Variants in KLHL4 observed in about 807,000 individuals in gnomAD.
KLHL4 encodes the protein kelch-like protein 4.
Under a neutral mutation model 45.8 loss-of-function variants are expected in KLHL4, and 17 were observed. The observed-to-expected ratio is 0.37, with a 90% CI of 0.25 to 0.56. The LOEUF is 0.56. KLHL4 is among the 20% of genes least tolerant of loss of function. The pLI is 0.79. For missense variants in KLHL4, 544 were observed against 544.9 expected, an observed-to-expected ratio of 1.00 and a Z score of 0.02; for synonymous variants, 224 against 189.9, an observed-to-expected ratio of 1.18 and a Z score of -1.47.
rs749333380 is a variant in KLHL4, at chrX:87,632,374, A to C, written c.1489A>C (p.Asn497His). 14 of 1,209,376 alleles carry C rather than the reference A, an allele frequency of 1.2e-5. No homozygotes were observed. The Admixed American group carries it at 3.1e-4, about 26-fold the overall frequency. The part of the protein sequence containing the change: ...LKTLNTVECF[N>H]PVGKIWTVMP... Reference sequence around the variant, plus strand: ...AACTTTGAATACAGTGGAATGTTTTAATCCAGTTGGCAAAATCTGGACTGT... The same window carrying C: ...AACTTTGAATACAGTGGAATGTTTTCATCCAGTTGGCAAAATCTGGACTGT... The change falls in exon 7 of 11, where the codon AAT becomes CAT. Residue 497 changes from asparagine (N) to histidine (H), a missense_variant. By Grantham distance (68) the Asn-to-His change is moderately conservative. Coordinates refer to ENST00000373119, the MANE Select transcript of KLHL4 (RefSeq NM_019117.5).
intron 1 of KLHL4, among the ~76,000 whole-genome samples, chrX:87,586,924 GA>G (rs1217589410): frequency 3.7e-5 from 4 of 109,176 alleles, no homozygotes; most frequent in African/African-American, 1.3e-4. Flanking sequence ...AATAAGATCA[GA>G]AATGAAAAGG....
At chrX:87,521,178 T>C (rs1012043447) in intron 1 of KLHL4, among the ~76,000 whole-genome samples, 30 of 111,792 alleles carry the variant, frequency 2.7e-4, no homozygotes, top group African/African-American at 8.1e-4. Context: ...TGTACTGATA[T>C]GTGACTTTAA....
intron 9 of KLHL4, among the ~76,000 whole-genome samples, chrX:87,655,430 T>C (rs187733083): frequency 8.9e-6 from 1 of 112,383 alleles, no homozygotes; most frequent in East Asian, 2.8e-4. Context: ...TTCTTCATGA[T>C]TATATTATGA....
chrX:87,644,667 A>G (rs1923572112), intron 9 of KLHL4, among the ~76,000 whole-genome samples: 1 of 112,177 alleles, frequency 8.9e-6, no homozygotes, highest in Non-Finnish European at 1.9e-5. Flanking sequence ...CTATAAAGCC[A>G]TAGTCACCAA....
At chrX:87,531,711 A>T (rs1602401657) in intron 1 of KLHL4, among the ~76,000 whole-genome samples, 1 of 103,143 alleles carries the variant, frequency 9.7e-6, no homozygotes. Flanking sequence ...GAGCCAAATC[A>T]TGAGTGAACT....
At chrX:87,624,517 G>A (rs1358569107) in intron 5 of KLHL4, among the ~76,000 whole-genome samples, 1 of 111,609 alleles carries the variant, frequency 9.0e-6, no homozygotes, top group Non-Finnish European at 1.9e-5. Flanking sequence ...ATCACAGGTG[G>A]AGTGAGAACA....
Position 87,517,908 on chromosome X carries a change from CAAGA to C in KLHL4, c.20_23del (p.Lys7SerfsTer4). 8.3e-7 allele frequency: 1 copy of C among 1,204,172 alleles called. No homozygotes were observed. Among genetic ancestry groups the C allele is most frequent in the Non-Finnish European group, 1.1e-6 (1 of 891,239 alleles). The stretch of plus-strand genomic sequence containing the variant: ...CTCCTGCTACGATGTCAGTGTCTGG[CAAGA>C]AAGAGTTTGATGTGAAACAGATCCT... On this transcript the variant is annotated frameshift_variant, in exon 1 of 11. Transcript: ENST00000373119. LOFTEE classifies it high-confidence loss of function.
chrX:87,598,583 C>G (rs772081490), intron 1 of KLHL4, among the ~76,000 whole-genome samples: 3 of 111,279 alleles, frequency 2.7e-5, no homozygotes, highest in Non-Finnish European at 3.8e-5. Flanking sequence ...GAAATGCCAT[C>G]ATATTTAATT....
At chrX:87,665,694 A>G in intron 10 of KLHL4, among the ~76,000 whole-genome samples, 1 of 111,789 alleles carries the variant, frequency 8.9e-6, no homozygotes, top group Non-Finnish European at 1.9e-5. Context: ...TACCATCTCC[A>G]CAAAAAGGCA....
At chrX:87,633,158 G>A (rs2147824457) in intron 7 of KLHL4, among the ~76,000 whole-genome samples, 1 of 111,363 alleles carries the variant, frequency 9.0e-6, no homozygotes, top group Admixed American at 9.6e-5. Flanking sequence ...ATACCACTGA[G>A]AGGTTGATTG....
At chrX:87,662,862 G>A (rs1924238820) in intron 9 of KLHL4, among the ~76,000 whole-genome samples, 2 of 106,542 alleles carry the variant, frequency 1.9e-5, no homozygotes, top group Non-Finnish European at 3.9e-5. Context: ...CCCAGGAGGC[G>A]GAGCTTGTAG....
rs1313867215 is a variant in KLHL4 at position 87,633,803 on chromosome X, G to C, written c.1604G>C (p.Ser535Thr). ...MYAVGGHDGW[S>T]YLNTVERWDP... ...GCTGTAGGTGGTCATGATGGATGGA[G>C]CTATCTAAATACTGTAGAAAGATGG... The change falls in exon 8 of 11, where the codon AGC (serine) becomes ACC (threonine). Residue 535 changes from serine to threonine, a missense_variant. Ser to Thr is a moderately conservative substitution (Grantham distance 58). Coordinates refer to ENST00000373119, the MANE Select transcript of KLHL4 (RefSeq NM_019117.5). 2 of 1,206,924 alleles carry C rather than the reference G, an allele frequency of 1.7e-6. No homozygotes were observed. Among genetic ancestry groups the C allele is most frequent in the Admixed American group, 4.4e-5 (2 of 45,747 alleles).
intron 1 of KLHL4, among the ~76,000 whole-genome samples, chrX:87,533,036 T>C (rs1270450803): frequency 1.7e-4 from 18 of 105,582 alleles, no homozygotes; most frequent in African/African-American, 6.2e-4. Flanking sequence ...ATGGCAATCA[T>C]TAAAAAGTCA....
intron 1 of KLHL4, among the ~76,000 whole-genome samples, chrX:87,544,493 G>A (rs940021099): frequency 4.5e-5 from 5 of 111,429 alleles, no homozygotes; most frequent in South Asian, 3.8e-4. Flanking sequence ...ACAGCAGGCC[G>A]TGTGTGAAAC....
intron 9 of KLHL4, 43 bp from the exon 10 acceptor site, chrX:87,664,721 C>G (rs746469880): frequency 6.2e-6 from 6 of 969,205 alleles, no homozygotes; most frequent in Non-Finnish European, 8.6e-6. Flanking sequence ...AGTTGTAACT[C>G]TATTGGACTT....
intron 1 of KLHL4, among the ~76,000 whole-genome samples, chrX:87,568,391 C>CTTTTTTTTTTTTTTTTTTTT (rs58586775): frequency 1.9e-4 from 11 of 57,476 alleles, no homozygotes; most frequent in Admixed American, 2.9e-4. Context: ...TTCTTTTTTT[C>CTTTTTTTTTTTTTTTTTTTT]TTTTTTTTTT....
At chrX:87,661,744 A>G (rs1924195542) in intron 9 of KLHL4, among the ~76,000 whole-genome samples, 1 of 112,090 alleles carries the variant, frequency 8.9e-6, no homozygotes, top group Non-Finnish European at 1.9e-5. Flanking sequence ...TCATACTCTT[A>G]AAATTTTTTT....
chrX:87,533,540 T>C (rs1931354321), intron 1 of KLHL4, among the ~76,000 whole-genome samples: 1 of 95,140 alleles, frequency 1.1e-5, no homozygotes, highest in South Asian at 5.9e-4. Flanking sequence ...AATATCACAC[T>C]CTGGGGACTG....
At position 87,666,863 on chromosome X, in the gene KLHL4, G is replaced by T; in HGVS notation, c.*329G>T. 2 of 751,788 alleles carry T rather than the reference G, an allele frequency of 2.7e-6. No homozygotes were observed. The highest frequency in any genetic ancestry group is 3.2e-6 in the Non-Finnish European group (2 of 630,924). The allele number at this position is 751,788 out of a possible 1,213,427, so 62.0% of individuals were successfully genotyped here. On this transcript the variant is annotated 3_prime_UTR_variant, in exon 11 of 11. Transcript: ENST00000373119. ...TGGCCACAGTGTGCAGGTTATAAAA[G>T]CATTAATACATTTCAAGGTAAGAGC...
Sources: gnomAD v4.1 joint callset for allele counts (sites outside exome capture counted in the v4.1 genomes callset) on GRCh38, gnomAD v4.1.1 for gene constraint, MANE v1.5 for transcripts, NCBI Gene and HGNC (gene_info 2026-07-23, HGNC 2026-07-21) for gene names.